Variants in NBEA observed in about 807,000 individuals in gnomAD.
The protein encoded by NBEA is neurobeachin.
In NBEA, 44 loss-of-function variants were observed where a neutral mutation model predicts 343.4. The ratio of observed to expected loss-of-function variants is 0.13; its 90% confidence interval spans 0.10 to 0.16. NBEA has a LOEUF of 0.16. NBEA is among the 10% of genes least tolerant of loss of function. The pLI, the probability that NBEA is intolerant of heterozygous loss-of-function variation, is 1.00. For missense variants in NBEA, 2,555 were observed against 3,631.3 expected, an observed-to-expected ratio of 0.70 and a Z score of 7.62; for synonymous variants, 1,175 against 1,238.7, an observed-to-expected ratio of 0.95 and a Z score of 1.08.
intron 35 of NBEA, among the ~76,000 whole-genome samples, chr13:35,297,646 A>G (rs1177268435): frequency 1.3e-5 from 2 of 151,970 alleles, no homozygotes; most frequent in African/African-American, 4.8e-5. Context: ...CAATTATGCT[A>G]CAAATTTACA....
chr13:35,472,748 AAC>A (rs1376648615), intron 41 of NBEA, among the ~76,000 whole-genome samples: 1 of 152,244 alleles, frequency 6.6e-6, no homozygotes, highest in South Asian at 2.1e-4. Flanking sequence ...TGCACATTTT[AAC>A]AGTCTTTCTA....
chr13:35,050,434 G>A (rs1340233023), intron 6 of NBEA, 39 bp downstream of exon 6: 1 of 1,580,656 alleles, frequency 6.3e-7, no homozygotes, highest in East Asian at 2.3e-5. Context: ...CACCTGTTAT[G>A]ACAGAATTCT....
chr13:35,658,793 C>T (rs897428360), intron 55 of NBEA, among the ~76,000 whole-genome samples: 1 of 152,114 alleles, frequency 6.6e-6, no homozygotes, highest in African/African-American at 2.4e-5. Context: ...TATTGATTGA[C>T]TGACTGATTT....
intron 11 of NBEA, among the ~76,000 whole-genome samples, chr13:35,098,984 G>A (rs1479940487): frequency 6.6e-6 from 1 of 151,592 alleles, no homozygotes; most frequent in Non-Finnish European, 1.5e-5. Flanking sequence ...AGGATAAGGA[G>A]GGAGTACTGT....
rs58578283 is a variant in NBEA at position 34,992,198 on chromosome 13, ATGTG to A, written c.295-48717_295-48714del. ...TGTGTGTATATGTGTGTGTATATAT[ATGTG>A]TGTGTGTGTGTGTGTGTATATGTGT... is the stretch of plus-strand genomic sequence containing the variant. On this transcript the variant is annotated intron_variant, in intron 1 of 58. Transcript: ENST00000379939. 2.8e-3 allele frequency among the ~76,000 whole-genome samples: 389 copies of A among 138,814 alleles called. 1 individual carries two copies. Among genetic ancestry groups the A allele is most frequent in the African/African-American group, 8.9e-3 (338 of 37,804 alleles). 91.1% of individuals were successfully genotyped at this position (138,814 alleles called of 152,430 possible). A position where few individuals can be genotyped will look rare whatever the true frequency, so the allele number is the denominator to read the frequency against.
At chr13:35,187,991 G>A (rs1251742225) in intron 30 of NBEA, among the ~76,000 whole-genome samples, 9 of 151,788 alleles carry the variant, frequency 5.9e-5, no homozygotes, top group Admixed American at 3.9e-4. Flanking sequence ...CACCTCCTCC[G>A]AGAGGCCTTC....
intron 35 of NBEA, among the ~76,000 whole-genome samples, chr13:35,293,762 T>A (rs79538914): frequency 0.067 from 10,153 of 152,042 alleles, 621 homozygotes; most frequent in Admixed American, 0.2. Flanking sequence ...ACTTCCAGAT[T>A]TTTTAAGGAA....
At chr13:35,511,405 C>T (rs1218352645) in intron 41 of NBEA, among the ~76,000 whole-genome samples, 1 of 152,002 alleles carries the variant, frequency 6.6e-6, no homozygotes, top group Non-Finnish European at 1.5e-5. Flanking sequence ...ACTCAGAACA[C>T]GTAAGTACTT....
intron 48 of NBEA, among the ~76,000 whole-genome samples, chr13:35,622,708 A>G (rs1006251814): frequency 6.6e-6 from 1 of 152,216 alleles, no homozygotes; most frequent in African/African-American, 2.4e-5. Context: ...AACTCTATTT[A>G]GAGAATTTTT....
chr13:35,341,220 C>A (rs1176975141), intron 36 of NBEA, among the ~76,000 whole-genome samples: 1 of 151,984 alleles, frequency 6.6e-6, no homozygotes, highest in African/African-American at 2.4e-5. Context: ...AAGAACAAAT[C>A]TAGTCTCCAA....
intron 38 of NBEA, among the ~76,000 whole-genome samples, chr13:35,407,683 C>T (rs745392497): frequency 6.6e-6 from 1 of 151,954 alleles, no homozygotes; most frequent in African/African-American, 2.4e-5. Flanking sequence ...TACTGCATAA[C>T]ATTAAAATCA....
chr13:35,420,213 G>A (rs1381693787), intron 38 of NBEA, among the ~76,000 whole-genome samples: 1 of 151,984 alleles, frequency 6.6e-6, no homozygotes, highest in African/African-American at 2.4e-5. Context: ...GTTTTAGGTG[G>A]AGAACATTCA....
At chr13:35,409,620 T>C (rs1290610241) in intron 38 of NBEA, among the ~76,000 whole-genome samples, 3 of 152,170 alleles carry the variant, frequency 2.0e-5, no homozygotes, top group East Asian at 1.9e-4. Flanking sequence ...TAATAATAAG[T>C]TATCATACTT....
chr13:34,957,888 CTCTT>C (rs2059548661), intron 1 of NBEA, among the ~76,000 whole-genome samples: 1 of 152,070 alleles, frequency 6.6e-6, no homozygotes, highest in East Asian at 1.9e-4. Context: ...CTTTATTTGT[CTCTT>C]TGTTTGCTTC....
At chr13:35,549,002 T>C (rs2079188143) in intron 41 of NBEA, among the ~76,000 whole-genome samples, 1 of 152,218 alleles carries the variant, frequency 6.6e-6, no homozygotes, top group South Asian at 2.1e-4. Context: ...CAGGTATCAT[T>C]ATCACTGTTT....
intron 23 of NBEA, among the ~76,000 whole-genome samples, chr13:35,163,251 A>G (rs1362016993): frequency 6.6e-6 from 1 of 152,166 alleles, no homozygotes; most frequent in Non-Finnish European, 1.5e-5. Context: ...TTGAAATTTA[A>G]GATACACAGT....
At chr13:34,949,225 G>A (rs1432165765) in intron 1 of NBEA, among the ~76,000 whole-genome samples, 1 of 152,178 alleles carries the variant, frequency 6.6e-6, no homozygotes, top group African/African-American at 2.4e-5. Flanking sequence ...TTGCTTCAAG[G>A]AAGATCATTA....
intron 45 of NBEA, among the ~76,000 whole-genome samples, chr13:35,568,029 A>C (rs1222382254): frequency 6.6e-6 from 1 of 152,208 alleles, no homozygotes; most frequent in African/African-American, 2.4e-5. Context: ...TAATATGAGA[A>C]TAATAATACT....
chr13:35,296,915 C>T (rs903230583), intron 35 of NBEA, among the ~76,000 whole-genome samples: 3 of 151,846 alleles, frequency 2.0e-5, no homozygotes, highest in African/African-American at 7.3e-5. Flanking sequence ...TCCTCATGAT[C>T]ATTTTTTCTG....
Sources: allele counts gnomAD v4.1 joint callset (sites outside exome capture counted in the v4.1 genomes callset), GRCh38; gene constraint gnomAD v4.1.1; transcripts MANE v1.5; gene names NCBI Gene and HGNC (gene_info 2026-07-23, HGNC 2026-07-21).